Variants in PABPC4 observed in about 807,000 individuals in gnomAD.
PABPC4 encodes poly(A) binding protein cytoplasmic 4.
Under a neutral mutation model 74.5 loss-of-function variants are expected in PABPC4, and 15 were observed. That is an observed-to-expected ratio of 0.20 (90% CI 0.13 to 0.31). The LOEUF (loss-of-function observed/expected upper bound fraction) is 0.31, where lower values mean the gene tolerates loss of function less well. Among genes scored for constraint, PABPC4 ranks in the 10% least tolerant of loss-of-function variants. The pLI, the probability that PABPC4 is intolerant of heterozygous loss-of-function variation, is 1.00. For missense variants in PABPC4, 610 were observed against 853.5 expected, an observed-to-expected ratio of 0.71 and a Z score of 3.55; for synonymous variants, 345 against 303.0, an observed-to-expected ratio of 1.14 and a Z score of -1.44.
At chr1:39,566,456 C>A (rs1645844673) in intron 7 of PABPC4, among the ~76,000 whole-genome samples, 1 of 152,214 alleles carries the variant, frequency 6.6e-6, no homozygotes, top group Non-Finnish European at 1.5e-5. Flanking sequence ...AGCTACAAAA[C>A]CACAGGTCTA....
In PABPC4 at chr1:39,564,448, G is replaced by T. The variant is rs1414111717; in HGVS notation, c.1428C>A (p.Gly476=). Residue 476 remains glycine (G), a synonymous_variant, in exon 10 of 16, where the codon GGC becomes GGA. Transcript: ENST00000372858. ...CGACTCTCTGAGTGGTAGTAGGGAGGCCACGAGAGGCCGGAGCATTACCAG... is the reference window on the plus strand; with the variant it reads ...CGACTCTCTGAGTGGTAGTAGGGAGTCCACGAGAGGCCGGAGCATTACCAG... ...APTGNAPASR[G]LPTTTQRVGS... The T allele has an allele frequency of 6.2e-7, 1 of 1,613,950 alleles. No individual in the cohort carries two copies. The highest frequency in any genetic ancestry group is 8.5e-7 in the Non-Finnish European group (1 of 1,180,040).
intron 12 of PABPC4, 192 bp downstream of exon 12, chr1:39,563,422 C>T: frequency 1.6e-6 from 1 of 643,798 alleles, no homozygotes; most frequent in Non-Finnish European, 2.5e-6. Flanking sequence ...GAACTGGCAT[C>T]AGGCAGAGCA....
chr1:39,568,085 G>T (rs961876525), intron 6 of PABPC4: 5 of 320,032 alleles, frequency 1.6e-5, no homozygotes, highest in Non-Finnish European at 2.9e-5. Context: ...GTGAAACCCC[G>T]TCTCTACTAA....
chr1:39,575,835 G>A lies in PABPC4; in HGVS notation c.117C>T (p.Ser39=), dbSNP rs756289442. The change falls in exon 1 of 16, where the codon TCC becomes TCT. Residue 39 remains serine, a synonymous_variant. Coordinates refer to ENST00000372858, the MANE Select transcript of PABPC4 (RefSeq NM_001135653.2). ...TGATCATATCGCGGCAGACCCGGAT[G>A]GACAGCACAGGCCCCGCGGGGCTGA... ...EKFSPAGPVL[S]IRVCRDMITR... 10 of 1,612,190 alleles carry A rather than the reference G, an allele frequency of 6.2e-6. No homozygotes were observed. The highest frequency in any genetic ancestry group is 2.7e-5 in the African/African-American group (2 of 74,864).
chr1:39,564,594 T>C (rs766016473), intron 9 of PABPC4, 52 bp from the exon 10 acceptor site: 93 of 1,612,204 alleles, frequency 5.8e-5, no homozygotes, highest in Non-Finnish European at 7.2e-5. Flanking sequence ...GACCAGAACC[T>C]AGGCTGTGCC....
At chr1:39,574,732 T>G (rs896473442) in intron 1 of PABPC4, among the ~76,000 whole-genome samples, 1 of 152,238 alleles carries the variant, frequency 6.6e-6, no homozygotes, top group African/African-American at 2.4e-5. Context: ...ACCCCAAAAC[T>G]AGGGACCTGG....
At chr1:39,567,464 C>T (rs1645864748) in intron 7 of PABPC4, 1 of 561,970 alleles carries the variant, frequency 1.8e-6, no homozygotes, top group South Asian at 1.4e-5. Context: ...ACCATCTGTC[C>T]CCACACCGGC....
At chr1:39,572,681 A>T (rs1645959481) in intron 1 of PABPC4, 95 bp from the exon 2 acceptor site, 1 of 908,584 alleles carries the variant, frequency 1.1e-6, no homozygotes, top group African/African-American at 1.7e-5. Context: ...TTTTCAAGGT[A>T]ATCACTCTTG....
intron 14 of PABPC4, 118 bp from the exon 15 acceptor site, chr1:39,561,905 C>CTA: frequency 8.5e-7 from 1 of 1,174,008 alleles, no homozygotes; most frequent in Non-Finnish European, 1.2e-6. Context: ...GCTTCTGGTG[C>CTA]TAACTACTTT....
At chr1:39,562,524 G>A in intron 12 of PABPC4, 108 bp from the exon 13 acceptor site, 2 of 781,334 alleles carry the variant, frequency 2.6e-6, no homozygotes, top group African/African-American at 1.7e-5. Context: ...AAGAGGAGAG[G>A]AGGTGGCTGT....
rs756225423 is a variant in PABPC4 at position 39,563,666 on chromosome 1, T to C, written c.1616A>G (p.Tyr539Cys). Reference protein sequence around the residue: ...AAAAPRAVAPYKYASSVRSPH... With the variant: ...AAAAPRAVAPCKYASSVRSPH... ...GCTGCGGACACTGGAGGCGTATTTG[T>C]AGGGGGCAACAGCCCGGGGAGCAGC... Residue 539 changes from tyrosine to cysteine, a missense_variant, in exon 12 of 16, where the codon TAC (tyrosine) becomes TGC (cysteine). By Grantham distance (194) the Tyr-to-Cys change is radical (BLOSUM62 -2). This residue lies in a region of PABPC4 where 277 missense variants were observed against 301.8 expected (regional missense o/e 0.92). Transcript: ENST00000372858. 1.9e-6 allele frequency: 3 copies of C among 1,614,220 alleles called. No individual in the cohort carries two copies.
At chr1:39,563,528 T>C in intron 12 of PABPC4, 86 bp downstream of exon 12, 1 of 1,501,034 alleles carries the variant, frequency 6.7e-7, no homozygotes, top group African/African-American at 1.4e-5. Flanking sequence ...ATTTAATACC[T>C]GTTGAAGGAA....
intron 7 of PABPC4, among the ~76,000 whole-genome samples, chr1:39,565,827 CCAAAACAAAA>C (rs60293495): frequency 0.011 from 1,600 of 148,278 alleles, 30 homozygotes; most frequent in South Asian, 0.067. Flanking sequence ...GACTCCATCT[CCAAAACAAAA>C]CAAAACAAAA....
chr1:39,567,781 A>G lies in PABPC4; in HGVS notation c.942T>C (p.Phe314=), dbSNP rs1468095763. 2 of 1,592,304 alleles carry G rather than the reference A, an allele frequency of 1.3e-6. No homozygotes were observed. The highest frequency in any genetic ancestry group is 1.7e-6 in the Non-Finnish European group (2 of 1,160,124). ...CACTGGTAATTGATCCAAAAGGAGA[A>G]AATTCTTTCCTTAATTTCTCATCAT... The part of the protein sequence containing the change: ...TIDDEKLRKE[F]SPFGSITSAK... Residue 314 remains phenylalanine, a synonymous_variant, in exon 7 of 16, where the codon TTT becomes TTC. Coordinates refer to ENST00000372858, the MANE Select transcript of PABPC4 (RefSeq NM_001135653.2).
At chr1:39,575,206 G>C (rs540575931) in intron 1 of PABPC4, among the ~76,000 whole-genome samples, 2 of 152,300 alleles carry the variant, frequency 1.3e-5, no homozygotes, top group Non-Finnish European at 2.9e-5. Context: ...CGCAGCTTTT[G>C]TGGCACTAAC....
At chr1:39,573,212 A>G (rs1248139724) in intron 1 of PABPC4, 5 of 152,232 alleles carry the variant, frequency 3.3e-5, no homozygotes, top group Non-Finnish European at 5.9e-5. Context: ...AATTCAGTCC[A>G]GTTTATTTTC....
intron 3 of PABPC4, among the ~76,000 whole-genome samples, chr1:39,570,219 C>T (rs1645918632): frequency 6.6e-6 from 1 of 152,194 alleles, no homozygotes; most frequent in Admixed American, 6.5e-5. Context: ...TGGCTTAGAC[C>T]AGGGCTATTC....
intron 2 of PABPC4, 127 bp downstream of exon 2, chr1:39,572,266 C>T (rs184288188): frequency 6.8e-6 from 5 of 730,610 alleles, no homozygotes; most frequent in South Asian, 3.9e-5. Flanking sequence ...TTTTAGGATT[C>T]CATGTCCAGC....
intron 9 of PABPC4, 63 bp downstream of exon 9, chr1:39,564,623 A>AAAGGC: frequency 6.2e-7 from 1 of 1,609,858 alleles, no homozygotes; most frequent in South Asian, 1.1e-5. Context: ...GGGAAGAAGG[A>AAAGGC]AAGGCAGGGG....
Sources: allele counts gnomAD v4.1 joint callset (sites outside exome capture counted in the v4.1 genomes callset), GRCh38; gene constraint gnomAD v4.1.1; regional missense constraint gnomAD v4.1.1; transcripts MANE v1.5; gene names NCBI Gene and HGNC (gene_info 2026-07-23, HGNC 2026-07-21).